Variants in NPHP4 observed in about 807,000 individuals in gnomAD.
NPHP4 encodes the protein nephrocystin 4.
NPHP4 carries 151 observed loss-of-function variants against 155.8 expected under a neutral mutation model. The observed-to-expected ratio is 0.97, with a 90% CI of 0.85 to 1.11. The LOEUF is 1.11. Ranked by LOEUF, NPHP4 falls within the 50% of genes least tolerant of loss-of-function variation. The pLI, the probability that NPHP4 is intolerant of heterozygous loss-of-function variation, is 0.00. For missense variants in NPHP4, 1,956 were observed against 1,925.7 expected (o/e 1.02, Z -0.29); for synonymous variants, 845 against 816.8 (o/e 1.03, Z -0.59).
chr1:5,952,820 C>T lies in NPHP4; in HGVS notation c.690G>A (p.Lys230=), dbSNP rs767543106. 6.2e-7 allele frequency: 1 copy of T among 1,601,262 alleles called. No homozygotes were observed. The highest frequency in any genetic ancestry group is 8.5e-7 in the Non-Finnish European group (1 of 1,174,144). The change falls in exon 7 of 30, where the codon AAG becomes AAA. Residue 230 remains lysine, a synonymous_variant. Coordinates refer to ENST00000378156, the MANE Select transcript of NPHP4 (RefSeq NM_015102.5). ...CCGTGATGGGCTTCTGGAGGCGAGG[C>T]TTTCGGAGAGCGTCGCCTGAAACAG... ...AHGESGDALR[K]PRLQKPITGH... is the part of the protein sequence containing the mutation.
chr1:5,927,684 C>A lies in NPHP4; in HGVS notation c.1406G>T (p.Arg469Leu). 6.2e-7 allele frequency: 1 copy of A among 1,612,702 alleles called. No homozygotes were observed. The highest frequency in any genetic ancestry group is 8.5e-7 in the Non-Finnish European group (1 of 1,178,848). Residue 469 changes from arginine (R) to leucine (L), a missense_variant, in exon 11 of 30, where the codon CGG becomes CTG. By Grantham distance (102) the Arg-to-Leu change is moderately radical. Transcript: ENST00000378156. The part of the protein sequence containing the change: ...TEPVSGPKVE[R>L]RPSRKPPTSP... ...CGTGGGTGGTTTCCTGGAAGGCCGC[C>A]GCTCCACTTTGGGGCCACTGACAGG... is the stretch of plus-strand genomic sequence containing the variant.
chr1:5,869,081 G>A (rs1641684490), intron 23 of NPHP4, among the ~76,000 whole-genome samples: 1 of 114,678 alleles, frequency 8.7e-6, no homozygotes, highest in Non-Finnish European at 1.7e-5. Context: ...CCACATGCAT[G>A]CACCCACACA....
At chr1:5,933,552 C>T (rs1301652828) in intron 9 of NPHP4, among the ~76,000 whole-genome samples, 1 of 152,162 alleles carries the variant, frequency 6.6e-6, no homozygotes, top group Non-Finnish European at 1.5e-5. Flanking sequence ...ATGACCCCAC[C>T]GACCCAGTCA....
chr1:5,952,673 C>T, intron 7 of NPHP4, 27 bp downstream of exon 7: 5 of 1,511,948 alleles, frequency 3.3e-6, no homozygotes, highest in Non-Finnish European at 3.6e-6. Flanking sequence ...CCCCACCCTG[C>T]CCCCCATCAC....
At chr1:5,885,464 G>T (rs924517601) in intron 18 of NPHP4, among the ~76,000 whole-genome samples, 1 of 152,244 alleles carries the variant, frequency 6.6e-6, no homozygotes, top group South Asian at 2.1e-4. Context: ...GTCCCTGGAC[G>T]ACAAAAGCTG....
At chr1:5,937,008 G>C (rs951961146) in intron 9 of NPHP4, among the ~76,000 whole-genome samples, 1 of 152,228 alleles carries the variant, frequency 6.6e-6, no homozygotes, top group Non-Finnish European at 1.5e-5. Flanking sequence ...ATGACGAGGG[G>C]GCGGAGAACG....
chr1:5,932,298 G>A (rs1036483440), intron 10 of NPHP4, among the ~76,000 whole-genome samples: 3 of 152,200 alleles, frequency 2.0e-5, no homozygotes, highest in Non-Finnish European at 2.9e-5. Context: ...CTATTTGACA[G>A]TATTTTACCA....
chr1:5,868,123 G>A (rs180936741), intron 23 of NPHP4: 4 of 668,904 alleles, frequency 6.0e-6, no homozygotes, highest in Admixed American at 4.2e-5. Context: ...ACCCACACAG[G>A]GCACCCAAGC....
chr1:5,886,296 A>C (rs987105866), intron 18 of NPHP4, among the ~76,000 whole-genome samples: 1 of 152,232 alleles, frequency 6.6e-6, no homozygotes, highest in African/African-American at 2.4e-5. Context: ...GTAAACAGGC[A>C]GGCAGAGCCT....
intron 6 of NPHP4, among the ~76,000 whole-genome samples, chr1:5,955,668 A>T (rs188310844): frequency 6.6e-6 from 1 of 152,384 alleles, no homozygotes; most frequent in African/African-American, 2.4e-5. Flanking sequence ...ACATGATCTT[A>T]CTCATATGTG....
Position 5,952,686 on chromosome 1 carries a change from T to A in NPHP4, c.810+14A>T. 1 of 1,467,412 alleles carries A rather than the reference T, an allele frequency of 6.8e-7. No homozygotes were observed. The highest frequency in any genetic ancestry group is 1.4e-5 in the African/African-American group (1 of 70,224). 90.9% of individuals were successfully genotyped at this position (1,467,412 alleles called of 1,614,324 possible). A position where few individuals can be genotyped will look rare whatever the true frequency, so the allele number is the denominator to read the frequency against. ...GGCCCCACCCTGCCCCCCATCACGC[T>A]TCTGACTCCACACCTCCTGGAAGTG... is the stretch of plus-strand genomic sequence containing the variant. On this transcript the variant is annotated intron_variant, in intron 7 of 29. Coordinates refer to ENST00000378156, the MANE Select transcript of NPHP4 (RefSeq NM_015102.5).
rs1402236228 is a variant in NPHP4, at chr1:5,873,429, GC to G, written c.3232-95del. On this transcript the variant is annotated intron_variant, in intron 22 of 29. Transcript: ENST00000378156. ...AGACACCACTGCCACCCAGCTGGGAGCCACCAGCCTCCTCTCACACTGACTC... is the reference window on the plus strand; with the variant it reads ...AGACACCACTGCCACCCAGCTGGGAGCACCAGCCTCCTCTCACACTGACTC... The G allele has an allele frequency of 1.8e-5, 17 of 950,936 alleles. No homozygotes were observed. In the African/African-American group the frequency reaches 2.6e-4, roughly 14 times the overall value. 58.9% of individuals were successfully genotyped at this position (950,936 alleles called of 1,614,324 possible). A position where few individuals can be genotyped will look rare whatever the true frequency, so the allele number is the denominator to read the frequency against.
At chr1:5,961,771 G>C in intron 6 of NPHP4, 23 bp downstream of exon 6, 1 of 1,602,384 alleles carries the variant, frequency 6.2e-7, no homozygotes, top group African/African-American at 1.3e-5. Flanking sequence ...TCACCAAGTG[G>C]AGAGAATCAA....
intron 11 of NPHP4, among the ~76,000 whole-genome samples, chr1:5,927,115 C>T (rs548288012): frequency 6.6e-6 from 1 of 152,350 alleles, no homozygotes; most frequent in East Asian, 1.9e-4. Flanking sequence ...CCAATAAGAA[C>T]TCTTTAACCT....
At position 5,909,345 on chromosome 1, in the gene NPHP4, T is replaced by C. The variant is rs531374781; in HGVS notation, c.1442-132A>G. ...TGTCTGTAACAGGGGCAGCCGCTGG[T>C]TACCGTTCAGGGGCAACAGCAGCAA... is the stretch of plus-strand genomic sequence containing the variant. On this transcript the variant is annotated intron_variant, in intron 11 of 29. Coordinates refer to ENST00000378156, the MANE Select transcript of NPHP4 (RefSeq NM_015102.5). The C allele has an allele frequency of 9.1e-5, 68 of 750,724 alleles. No individual in the cohort carries two copies. The East Asian group carries it at 1.8e-3, about 20-fold the overall frequency. The allele number at this position is 750,724 out of a possible 1,614,324, so 46.5% of individuals were successfully genotyped here.
intron 9 of NPHP4, among the ~76,000 whole-genome samples, chr1:5,946,380 A>G (rs1312141244): frequency 5.9e-5 from 9 of 152,244 alleles, no homozygotes; most frequent in Non-Finnish European, 1.2e-4. Flanking sequence ...ATGAGAAACC[A>G]TCTCTCATTT....
chr1:5,952,181 C>T (rs1195211869), intron 7 of NPHP4, among the ~76,000 whole-genome samples: 4 of 152,140 alleles, frequency 2.6e-5, no homozygotes, highest in African/African-American at 7.2e-5. Flanking sequence ...AGTCTGGGGG[C>T]GCCTTCCCAG....
chr1:5,927,641 A>G lies in NPHP4; in HGVS notation c.1441+8T>C, dbSNP rs768952598. 17 of 1,598,014 alleles carry G rather than the reference A, an allele frequency of 1.1e-5. No homozygotes were observed. In the South Asian group the frequency reaches 1.9e-4, roughly 18 times the overall value. On this transcript the variant is annotated splice_region_variant and intron_variant, in intron 11 of 29. Coordinates refer to ENST00000378156, the MANE Select transcript of NPHP4 (RefSeq NM_015102.5). The stretch of plus-strand genomic sequence containing the variant: ...TGCCTGGCCAGTCAGCTCTCTGGAA[A>G]CACTTACTCGAAGGGGACGTGGGTG...
intron 27 of NPHP4, 172 bp from the exon 28 acceptor site, chr1:5,864,689 G>A: frequency 1.7e-6 from 1 of 574,076 alleles, no homozygotes. Context: ...CGCGACTTGG[G>A]TCCACACCAG....
Sources: allele counts gnomAD v4.1 joint callset (sites outside exome capture counted in the v4.1 genomes callset), GRCh38; gene constraint gnomAD v4.1.1; transcripts MANE v1.5; gene names NCBI Gene and HGNC (gene_info 2026-07-23, HGNC 2026-07-21).